The following CLPTM1 variants were observed in gnomAD, a reference collection of about 807,000 sequenced individuals.
CLPTM1 encodes the protein putative lipid scramblase CLPTM1.
In CLPTM1, 21 loss-of-function variants were observed where a neutral mutation model predicts 77.3. That is an observed-to-expected ratio of 0.27 (90% confidence interval 0.19 to 0.39). The LOEUF is 0.39. CLPTM1 is among the 10% of genes least tolerant of loss of function. CLPTM1 has a pLI of 1.00. For synonymous variants in CLPTM1, 373 were observed against 381.0 expected (o/e 0.98, Z 0.24); for missense variants, 642 against 921.2 (o/e 0.70, Z 3.92).
upstream of CLPTM1, chr19:44,955,074 A>G (rs1262277146): frequency 2.6e-6 from 4 of 1,535,626 alleles, no homozygotes; most frequent in African/African-American, 5.5e-5. Flanking sequence ...AAAGGCTCAT[A>G]TAACCGAAAA....
intron 6 of CLPTM1, 99 bp downstream of exon 6, chr19:44,985,402 C>T (rs1021601045): frequency 2.4e-6 from 2 of 823,152 alleles, no homozygotes; most frequent in Non-Finnish European, 4.1e-6. Context: ...ACCACTGAAC[C>T]ACCATGCCGG....
chr19:44,958,664 G>A (rs189893501), intron 1 of CLPTM1, among the ~76,000 whole-genome samples: 37 of 152,228 alleles, frequency 2.4e-4, no homozygotes, highest in African/African-American at 7.9e-4. Flanking sequence ...GAGCCACCAC[G>A]TCCAGCCTTG....
intron 3 of CLPTM1, among the ~76,000 whole-genome samples, chr19:44,973,856 C>G (rs1568384955): frequency 6.7e-6 from 1 of 149,042 alleles, no homozygotes; most frequent in African/African-American, 2.5e-5. Context: ...CTCTGCCTCC[C>G]GGGCTCCAGT....
chr19:44,991,226 G>A lies in CLPTM1; in HGVS notation c.1420-12G>A. 6.2e-7 allele frequency: 1 copy of A among 1,613,818 alleles called. No individual in the cohort carries two copies. The highest frequency in any genetic ancestry group is 8.5e-7 in the Non-Finnish European group (1 of 1,179,868). On this transcript the variant is annotated splice_polypyrimidine_tract_variant and intron_variant, in intron 11 of 13. Transcript: ENST00000337392. The surrounding 1 kb of genome is among the most constrained non-coding windows in gnomAD (Gnocchi z 5.4). ...AGGAGCTGGCTGACAGCCCCACCCT[G>A]TGGCCCCACAGATGGCATTCCGGTA...
intron 7 of CLPTM1, chr19:44,986,854 G>C: frequency 1.9e-6 from 1 of 529,988 alleles, no homozygotes; most frequent in South Asian, 2.7e-5. Flanking sequence ...TCACTTGCCA[G>C]CTTTTGAAAT....
chr19:44,978,492 G>T (rs1970841079), intron 5 of CLPTM1, among the ~76,000 whole-genome samples: 4 of 151,814 alleles, frequency 2.6e-5, no homozygotes, highest in Admixed American at 2.6e-4. Context: ...TAATAGCCAG[G>T]TATGGTGGTG....
chr19:44,992,915 C>G lies in CLPTM1; in HGVS notation c.*18C>G, dbSNP rs1287423321. 3 of 1,610,040 alleles carry G rather than the reference C, an allele frequency of 1.9e-6. No homozygotes were observed. The highest frequency in any genetic ancestry group is 1.6e-4 in the Middle Eastern group (1 of 6,062). ...AGGATTAGTCGAGACTGGTCCTCACCTGCTCCGGCTCCTGGCGACCACTAC... is the reference window on the plus strand; with the variant it reads ...AGGATTAGTCGAGACTGGTCCTCACGTGCTCCGGCTCCTGGCGACCACTAC... On this transcript the variant is annotated 3_prime_UTR_variant, in exon 14 of 14. Transcript: ENST00000337392. The surrounding 1 kb of genome is among the most constrained non-coding windows in gnomAD (Gnocchi z 7.7).
chr19:44,986,391 A>C, intron 6 of CLPTM1, 64 bp from the exon 7 acceptor site: 2 of 1,585,444 alleles, frequency 1.3e-6, no homozygotes, highest in South Asian at 2.3e-5. Flanking sequence ...GGAAGTGTAC[A>C]GAGAGTGATA....
intron 2 of CLPTM1, among the ~76,000 whole-genome samples, chr19:44,972,284 G>A (rs1391255104): frequency 2.7e-5 from 4 of 148,232 alleles, no homozygotes; most frequent in African/African-American, 1.0e-4. Context: ...GTCTCGCTCT[G>A]TTGCCCAGGC....
intron 2 of CLPTM1, among the ~76,000 whole-genome samples, chr19:44,966,857 T>G (rs550886525): frequency 2.6e-4 from 39 of 152,108 alleles, no homozygotes; most frequent in Non-Finnish European, 3.7e-4. Context: ...CTCTTTTTTT[T>G]GGGAGACAGA....
At chr19:44,971,555 T>C (rs559394849) in intron 2 of CLPTM1, among the ~76,000 whole-genome samples, 2 of 152,136 alleles carry the variant, frequency 1.3e-5, no homozygotes, top group South Asian at 4.1e-4. Flanking sequence ...TTAAAAAATT[T>C]AATTAATTAA....
rs998207279 is a variant in CLPTM1, at chr19:44,992,562, G to T, written c.1724-49G>T. On this transcript the variant is annotated intron_variant, in intron 13 of 13. Coordinates refer to ENST00000337392, the MANE Select transcript of CLPTM1 (RefSeq NM_001294.4). The surrounding 1 kb of genome is among the most constrained non-coding windows in gnomAD (Gnocchi z 7.7). The stretch of plus-strand genomic sequence containing the variant: ...CGCCCTCTCCACCCAGGCCCACCTG[G>T]CTGTGGACGGGCCAGCCCGACCTCA... 1.2e-6 allele frequency: 2 copies of T among 1,607,566 alleles called. No homozygotes were observed. Among genetic ancestry groups the T allele is most frequent in the Admixed American group, 3.3e-5 (2 of 59,878 alleles).
intron 1 of CLPTM1, among the ~76,000 whole-genome samples, chr19:44,958,133 G>C (rs1302824339): frequency 6.6e-6 from 1 of 152,162 alleles, no homozygotes; most frequent in Non-Finnish European, 1.5e-5. Context: ...GGTGACGCTT[G>C]AACAAAGACC....
In CLPTM1 at chr19:44,973,774, T is replaced by TTTTTG. The variant is rs1970761812; in HGVS notation, c.309+568_309+569insGTTTT. Among the ~76,000 whole-genome samples the TTTTTG allele has an allele frequency of 2.7e-5, 4 of 146,332 alleles. 1 individual carries two copies. The highest frequency in any genetic ancestry group is 2.2e-4 in the South Asian group (1 of 4,550). On this transcript the variant is annotated intron_variant, in intron 3 of 13. Coordinates refer to ENST00000337392, the MANE Select transcript of CLPTM1 (RefSeq NM_001294.4). ...GGGTCACAGTGGGTTTTTTTTTTTT[T>TTTTTG]TTTTTTTGAGATGGAGTCTCACTCT...
chr19:44,954,969 GT>G (rs1209087774), upstream of CLPTM1: 4 of 1,534,452 alleles, frequency 2.6e-6, no homozygotes, highest in African/African-American at 4.1e-5. Flanking sequence ...AAAGAGGGGC[GT>G]GGTTCGAAGC....
At chr19:44,962,647 G>A (rs978760792) in intron 2 of CLPTM1, among the ~76,000 whole-genome samples, 1 of 152,034 alleles carries the variant, frequency 6.6e-6, no homozygotes, top group Non-Finnish European at 1.5e-5. Flanking sequence ...GACCCTATCT[G>A]GGCCAGGCAC....
chr19:44,990,377 C>G lies in CLPTM1; in HGVS notation c.1133-18C>G, dbSNP rs875255. 0.52 allele frequency: 842,145 copies of G among 1,611,312 alleles called. 223,853 individuals are homozygous for G. The highest frequency in any genetic ancestry group is 0.55 in the Non-Finnish European group (646,905 of 1,178,020). ...CACCTCCTCAGCCTCCTGGTTCCCC[C>G]CTACCCCCTGCGCACAGATATCCAG... On this transcript the variant is annotated intron_variant, in intron 9 of 13. Transcript: ENST00000337392. This position sits in a 1 kb window ranked among gnomAD's most constrained non-coding sequence, Gnocchi z 4.8.
chr19:44,972,854 C>G (rs185573222), intron 2 of CLPTM1, among the ~76,000 whole-genome samples: 124 of 152,018 alleles, frequency 8.2e-4, no homozygotes, highest in African/African-American at 2.9e-3. Context: ...AGGGCAGTGC[C>G]AGCTACCCCC....
Position 44,986,964 on chromosome 19 carries a change from G to A in CLPTM1, c.794-215G>A, listed in dbSNP as rs949012663. 4.1e-5 allele frequency: 25 copies of A among 615,944 alleles called. No individual in the cohort carries two copies. In the African/African-American group the frequency reaches 4.4e-4, roughly 11 times the overall value. 38.2% of individuals were successfully genotyped at this position (615,944 alleles called of 1,614,324 possible). A position where few individuals can be genotyped will look rare whatever the true frequency, so the allele number is the denominator to read the frequency against. ...AGCCGTGGGCTGGAGCTGAGCCACA[G>A]CTGCCCCCTTCAGTGGGGACCTGCC... On this transcript the variant is annotated intron_variant, in intron 7 of 13. Transcript: ENST00000337392.
Sources: gnomAD v4.1 joint callset for allele counts (sites outside exome capture counted in the v4.1 genomes callset) on GRCh38, gnomAD v4.1.1 for gene constraint, Gnocchi (gnomAD v3.1) non-coding constraint, MANE v1.5 for transcripts, NCBI Gene and HGNC (gene_info 2026-07-23, HGNC 2026-07-21) for gene names.